SLC25A33: variants seen among roughly 807,000 people sequenced by gnomAD.
The protein encoded by SLC25A33 is solute carrier family 25 member 33, also known as bone marrow stromal cell mitochondrial carrier protein.
SLC25A33 carries 15 observed loss-of-function variants against 35.5 expected under a neutral mutation model. That is an observed-to-expected ratio of 0.42 (90% CI 0.28 to 0.65). SLC25A33 has a LOEUF of 0.65. Ranked by LOEUF, SLC25A33 falls within the 30% of genes least tolerant of loss-of-function variation. The pLI is 0.20. For missense variants in SLC25A33, 257 were observed against 398.5 expected, an observed-to-expected ratio of 0.64 and a Z score of 3.02; for synonymous variants, 136 against 148.7, an observed-to-expected ratio of 0.91 and a Z score of 0.62.
At chr1:9,547,987 G>A (rs1300859398) in intron 1 of SLC25A33, among the ~76,000 whole-genome samples, 1 of 152,010 alleles carries the variant, frequency 6.6e-6, no homozygotes, top group Non-Finnish European at 1.5e-5. Context: ...GGGTAGCTGG[G>A]TGGCTGAGAC....
intron 1 of SLC25A33, among the ~76,000 whole-genome samples, chr1:9,546,561 C>T (rs1643173515): frequency 6.6e-6 from 1 of 152,082 alleles, no homozygotes; most frequent in African/African-American, 2.4e-5. Flanking sequence ...ATTAAATTAA[C>T]GTCCAGGGTA....
chr1:9,551,554 C>T lies in SLC25A33; in HGVS notation c.57-2072C>T, dbSNP rs1277125852. ...GTCCAGGCCTGTTTTTCCTTCCTGT[C>T]GTTGCCTTTCCCAGGCGGAGATGCT... On this transcript the variant is annotated intron_variant, in intron 1 of 6. Transcript: ENST00000302692. Among the ~76,000 whole-genome samples the T allele has an allele frequency of 3.3e-5, 5 of 152,228 alleles. No individual in the cohort carries two copies. In the Middle Eastern group the frequency reaches 0.01, roughly 311 times the overall value.
At chr1:9,550,380 A>T (rs1643249439) in intron 1 of SLC25A33, among the ~76,000 whole-genome samples, 1 of 152,112 alleles carries the variant, frequency 6.6e-6, no homozygotes, top group African/African-American at 2.4e-5. Context: ...TAATGAGTGC[A>T]GTTTACTTAG....
chr1:9,563,213 C>T (rs953906507), intron 2 of SLC25A33, among the ~76,000 whole-genome samples: 5 of 152,112 alleles, frequency 3.3e-5, no homozygotes, highest in East Asian at 1.9e-4. Context: ...CATGAGCCAC[C>T]GCGCCCGGCC....
intron 1 of SLC25A33, among the ~76,000 whole-genome samples, chr1:9,553,183 CT>C (rs1643290253): frequency 1.3e-5 from 1 of 76,444 alleles, no homozygotes; most frequent in African/African-American, 5.0e-5. Flanking sequence ...TTTTATTAAC[CT>C]TTATTGTGTT....
intron 2 of SLC25A33, among the ~76,000 whole-genome samples, chr1:9,563,028 C>A (rs1409070621): frequency 6.6e-6 from 1 of 150,938 alleles, no homozygotes; most frequent in Non-Finnish European, 1.5e-5. Context: ...ACGCCATTCT[C>A]CTGCTTCAGC....
chr1:9,541,392 G>T (rs950961899), intron 1 of SLC25A33, among the ~76,000 whole-genome samples: 5 of 151,954 alleles, frequency 3.3e-5, no homozygotes, highest in Non-Finnish European at 7.4e-5. Flanking sequence ...CTCGTGATCC[G>T]CCCGCCTCGG....
intron 2 of SLC25A33, among the ~76,000 whole-genome samples, chr1:9,554,165 A>ATATTT (rs557108099): frequency 1.4e-4 from 22 of 152,200 alleles, no homozygotes; most frequent in African/African-American, 4.1e-4. Flanking sequence ...AGAGTTGTGA[A>ATATTT]TATTTTATTT....
In SLC25A33 at chr1:9,539,742, C is replaced by T. The variant is rs1446048796; in HGVS notation, c.51C>T (p.Ala17=). The change falls in exon 1 of 7, where the codon GCC becomes GCT. Residue 17 remains alanine, a synonymous_variant. Coordinates refer to ENST00000302692, the MANE Select transcript of SLC25A33 (RefSeq NM_032315.3). ...QKENTLLHLF[A]GGCGGTVGAI... is the part of the protein sequence containing the mutation. ...AGAACACGCTGCTTCACCTCTTCGC[C>T]GGCGGGTGAGTTCCCGGGCCCAGCC... The T allele has an allele frequency of 6.4e-6, 9 of 1,404,302 alleles. No homozygotes were observed. The highest frequency in any genetic ancestry group is 1.5e-5 in the African/African-American group (1 of 66,460). The allele number at this position is 1,404,302 out of a possible 1,614,324, so 87.0% of individuals were successfully genotyped here.
intron 1 of SLC25A33, among the ~76,000 whole-genome samples, chr1:9,549,467 G>C (rs1398662936): frequency 7.2e-6 from 1 of 139,034 alleles, no homozygotes; most frequent in Non-Finnish European, 1.6e-5. Flanking sequence ...AACTGCTGAT[G>C]GGATCAATGG....
At chr1:9,564,608 T>G (rs2100395083) in intron 2 of SLC25A33, among the ~76,000 whole-genome samples, 1 of 151,352 alleles carries the variant, frequency 6.6e-6, no homozygotes, top group Non-Finnish European at 1.5e-5. Context: ...AAATTCTGGG[T>G]GGGCACAGTG....
At chr1:9,548,850 C>T (rs1305188194) in intron 1 of SLC25A33, among the ~76,000 whole-genome samples, 1 of 152,140 alleles carries the variant, frequency 6.6e-6, no homozygotes, top group Admixed American at 6.5e-5. Flanking sequence ...CTCAGATGAA[C>T]CAAGAGGATC....
chr1:9,555,691 G>A (rs1015153277), intron 2 of SLC25A33, among the ~76,000 whole-genome samples: 1 of 151,652 alleles, frequency 6.6e-6, no homozygotes, highest in East Asian at 1.9e-4. Context: ...TTGTTTGTTT[G>A]TTTTCTTTTT....
Position 9,578,868 on chromosome 1 carries a change from G to C in SLC25A33, c.483-1086G>C, listed in dbSNP as rs946611192. Among the ~76,000 whole-genome samples, 1 of 152,178 alleles carries C rather than the reference G, an allele frequency of 6.6e-6. No individual in the cohort carries two copies. The highest frequency in any genetic ancestry group is 1.5e-5 in the Non-Finnish European group (1 of 68,040). ...TGACTTAATCTAGCAGATATACCGT[G>C]GTCAGCTATCTGGATTGTTGTCCTG... On this transcript the variant is annotated intron_variant, in intron 5 of 6. Coordinates refer to ENST00000302692, the MANE Select transcript of SLC25A33 (RefSeq NM_032315.3). The surrounding 1 kb of genome is among the most constrained non-coding windows in gnomAD (Gnocchi z 4.3).
At chr1:9,572,061 A>G (rs1643597843) in intron 4 of SLC25A33, among the ~76,000 whole-genome samples, 2 of 152,202 alleles carry the variant, frequency 1.3e-5, no homozygotes, top group African/African-American at 4.8e-5. Flanking sequence ...AAGTATGACC[A>G]ACCTGTCTGA....
In SLC25A33 at chr1:9,582,194, G is replaced by A. The variant is rs955821072; in HGVS notation, c.764-105G>A. On this transcript the variant is annotated intron_variant, in intron 6 of 6. Coordinates refer to ENST00000302692, the MANE Select transcript of SLC25A33 (RefSeq NM_032315.3). The surrounding 1 kb of genome is among the most constrained non-coding windows in gnomAD (Gnocchi z 4.0). ...CTCCCAAAGTTCTGGGATTACAGGT[G>A]TGAGCCACCGCACCCGGCCTAACCT... is the stretch of plus-strand genomic sequence containing the variant. 4.0e-6 allele frequency: 5 copies of A among 1,239,484 alleles called. No homozygotes were observed. Among genetic ancestry groups the A allele is most frequent in the African/African-American group, 1.5e-5 (1 of 67,598 alleles). 76.8% of individuals were successfully genotyped at this position (1,239,484 alleles called of 1,614,324 possible).
At chr1:9,580,864 AAAATAATAAT>A (rs1481452767) in intron 6 of SLC25A33, among the ~76,000 whole-genome samples, 11 of 129,386 alleles carry the variant, frequency 8.5e-5, no homozygotes, top group Middle Eastern at 3.9e-3. Flanking sequence ...CAAAAAAAAA[AAAATAATAAT>A]AATAATAATA....
chr1:9,571,198 A>C (rs963703789), intron 4 of SLC25A33, among the ~76,000 whole-genome samples: 1 of 152,058 alleles, frequency 6.6e-6, no homozygotes, highest in Non-Finnish European at 1.5e-5. Context: ...TTTTGAGGGA[A>C]CCATTCCACT....
intron 1 of SLC25A33, among the ~76,000 whole-genome samples, chr1:9,552,756 T>C (rs1643283507): frequency 2.0e-5 from 3 of 152,166 alleles, no homozygotes; most frequent in South Asian, 2.1e-4. Flanking sequence ...ATGAAGCCAT[T>C]GGAAATGATG....
Sources: gnomAD v4.1 joint callset for allele counts (sites outside exome capture counted in the v4.1 genomes callset) on GRCh38, gnomAD v4.1.1 for gene constraint, Gnocchi (gnomAD v3.1) non-coding constraint, MANE v1.5 for transcripts, NCBI Gene and HGNC (gene_info 2026-07-23, HGNC 2026-07-21) for gene names.